Variants in CD163L1 observed in about 807,000 individuals in gnomAD.
CD163L1 encodes CD163 molecule like 1, also known as scavenger receptor cysteine-rich type 1 protein M160.
Under a neutral mutation model 165.4 loss-of-function variants are expected in CD163L1, and 124 were observed. The observed-to-expected ratio is 0.75, with a 90% CI of 0.65 to 0.87. The LOEUF (loss-of-function observed/expected upper bound fraction) is 0.87, where lower values mean the gene tolerates loss of function less well. Ranked by LOEUF, CD163L1 falls within the 40% of genes least tolerant of loss-of-function variation. CD163L1 has a pLI of 0.00. For synonymous variants in CD163L1, 585 were observed against 662.2 expected, an observed-to-expected ratio of 0.88 and a Z score of 1.79; for missense variants, 1,525 against 1,799.9, an observed-to-expected ratio of 0.85 and a Z score of 2.76.
rs902936320 is a variant in CD163L1, at chr12:7,398,716, A to G, written c.1409-132T>C. ...ATATATTAGGCACACTTTTGAATGA[A>G]AAGTTTGGTTTTCTTTCTTTTGACA... On this transcript the variant is annotated intron_variant, in intron 6 of 19. Transcript: ENST00000313599. The surrounding 1 kb of genome is among the most constrained non-coding windows in gnomAD (Gnocchi z 4.5). The G allele has an allele frequency of 4.9e-5, 35 of 707,104 alleles. No homozygotes were observed. The highest frequency in any genetic ancestry group is 7.0e-5 in the Non-Finnish European group (34 of 485,560). 43.8% of individuals were successfully genotyped at this position (707,104 alleles called of 1,614,324 possible).
At position 7,393,892 on chromosome 12, in the gene CD163L1, T is replaced by A. The variant is rs1947714934; in HGVS notation, c.2050+2203A>T. Among the ~76,000 whole-genome samples, 5 of 152,044 alleles carry A rather than the reference T, an allele frequency of 3.3e-5. No homozygotes were observed. In the South Asian group the frequency reaches 1.0e-3, roughly 31 times the overall value. ...TGTGAAGGACTTCTTCAAGGAGAAC[T>A]ACAAACCACTGCTCAACGAAATAAA... On this transcript the variant is annotated intron_variant, in intron 8 of 19. Coordinates refer to ENST00000313599, the MANE Select transcript of CD163L1 (RefSeq NM_174941.6).
At chr12:7,323,504 G>T in the CD163L1 span, 1 of 1,613,888 alleles carries the variant, frequency 6.2e-7, no homozygotes, top group Non-Finnish European at 8.5e-7. Flanking sequence ...CAAAGAAGGG[G>T]AAATTGCCCT....
chr12:7,380,407 A>ATG (rs1278262775), intron 8 of CD163L1, among the ~76,000 whole-genome samples: 9 of 151,518 alleles, frequency 5.9e-5, no homozygotes, highest in Non-Finnish European at 8.8e-5. Flanking sequence ...ACACACATGT[A>ATG]TGTGTGTATA....
At chr12:7,366,747 G>A (rs1012989693) in intron 18 of CD163L1, among the ~76,000 whole-genome samples, 2 of 152,110 alleles carry the variant, frequency 1.3e-5, no homozygotes, top group South Asian at 2.1e-4. Flanking sequence ...TCCATTATAA[G>A]TTATTTCCAA....
At chr12:7,326,089 C>G in the CD163L1 span, among the ~76,000 whole-genome samples, 1 of 152,186 alleles carries the variant, frequency 6.6e-6, no homozygotes, top group Non-Finnish European at 1.5e-5. Context: ...GCTTACTAAC[C>G]TCAGTAATTG....
rs751493730 is a variant in CD163L1, at chr12:7,396,142, C to T, written c.2003G>A (p.Gly668Glu). 6.2e-7 allele frequency: 1 copy of T among 1,614,080 alleles called. No homozygotes were observed. Among genetic ancestry groups the T allele is most frequent in the Admixed American group, 1.7e-5 (1 of 60,022 alleles). ...TTCACTGTGACTGCAGTCATTATTT[C>T]CCCACCCACTGTTCCTGCATGACCA... ...DLWSCRNSGW[G>E]NNDCSHSEDV... Residue 668 changes from glycine to glutamate, a missense_variant, in exon 8 of 20, where the codon GGA (glycine) becomes GAA (glutamate). Transcript: ENST00000313599.
chr12:7,345,899 C>G (rs1283189321), downstream of CD163L1, among the ~76,000 whole-genome samples: 1 of 152,022 alleles, frequency 6.6e-6, no homozygotes, highest in Admixed American at 6.6e-5. Context: ...AAAGAGAGAG[C>G]AGGGACGTGC....
the CD163L1 span, among the ~76,000 whole-genome samples, chr12:7,338,902 T>C: frequency 1.3e-5 from 2 of 152,182 alleles, no homozygotes; most frequent in African/African-American, 4.8e-5. Context: ...AGCCAGTTTA[T>C]TCCCAAATGG....
intron 2 of CD163L1, chr12:7,440,118 C>A: frequency 2.7e-6 from 2 of 753,292 alleles, no homozygotes; most frequent in Admixed American, 2.3e-5. Context: ...GGCTTGGACC[C>A]GCCGCGCCAG....
At chr12:7,442,331 G>A (rs1948841446) in intron 1 of CD163L1, among the ~76,000 whole-genome samples, 1 of 152,178 alleles carries the variant, frequency 6.6e-6, no homozygotes, top group South Asian at 2.1e-4. Flanking sequence ...ACCCATCGGG[G>A]AAAGGCCCAT....
At chr12:7,430,769 C>T (rs1471359530) in intron 4 of CD163L1, among the ~76,000 whole-genome samples, 1 of 151,840 alleles carries the variant, frequency 6.6e-6, no homozygotes, top group East Asian at 1.9e-4. Context: ...CAAATTTAGC[C>T]AAGAGAAATG....
intron 8 of CD163L1, among the ~76,000 whole-genome samples, chr12:7,385,219 T>A (rs1947491306): frequency 1.3e-5 from 2 of 148,348 alleles, no homozygotes; most frequent in African/African-American, 5.0e-5. Context: ...TATATTTATA[T>A]CAGATAAAGT....
intron 19 of CD163L1, 60 bp from the exon 20 acceptor site, chr12:7,355,190 A>G (rs1412464967): frequency 6.6e-6 from 1 of 152,178 alleles, no homozygotes; most frequent in African/African-American, 2.4e-5. Flanking sequence ...ATGCTAGCCT[A>G]CATGAGGTTA....
intron 2 of CD163L1, among the ~76,000 whole-genome samples, chr12:7,437,078 AAT>A (rs1305623828): frequency 6.7e-6 from 1 of 149,192 alleles, no homozygotes; most frequent in African/African-American, 2.4e-5. Flanking sequence ...TATTTTAAAC[AAT>A]AGTGTTTTTC....
At chr12:7,429,964 C>T (rs1447044747) in intron 4 of CD163L1, among the ~76,000 whole-genome samples, 1 of 152,194 alleles carries the variant, frequency 6.6e-6, no homozygotes, top group African/African-American at 2.4e-5. Flanking sequence ...TATCACTCAA[C>T]CTTCCTCATT....
chr12:7,444,149 G>A lies in CD163L1; in HGVS notation c.-22C>T, dbSNP rs768004798. The A allele has an allele frequency of 1.2e-6, 2 of 1,613,072 alleles. No individual in the cohort carries two copies. Among genetic ancestry groups the A allele is most frequent in the East Asian group, 4.5e-5 (2 of 44,822 alleles). ...TCATTATGGGTCTATCTCTTCCTGA[G>A]TCCTGATGTAACTCCTGGGTCCTCT... On this transcript the variant is annotated 5_prime_UTR_variant, in exon 1 of 20. Coordinates refer to ENST00000313599, the MANE Select transcript of CD163L1 (RefSeq NM_174941.6).
chr12:7,351,220 T>C (rs1308105641), downstream of CD163L1, among the ~76,000 whole-genome samples: 1 of 152,142 alleles, frequency 6.6e-6, no homozygotes, highest in Non-Finnish European at 1.5e-5. Context: ...GTGTGTAATA[T>C]GTGTGTGTGC....
chr12:7,440,320 C>G (rs1948811861), intron 2 of CD163L1, among the ~76,000 whole-genome samples: 3 of 151,356 alleles, frequency 2.0e-5, no homozygotes, highest in Middle Eastern at 3.2e-3. Flanking sequence ...GGGCAGGGAC[C>G]TGGAGCCGCC....
chr12:7,406,742 T>C lies in CD163L1; in HGVS notation c.877A>G (p.Asn293Asp). The C allele has an allele frequency of 6.2e-7, 1 of 1,614,062 alleles. No homozygotes were observed. Among genetic ancestry groups the C allele is most frequent in the Non-Finnish European group, 8.5e-7 (1 of 1,179,986 alleles). The change falls in exon 5 of 20, where the codon AAT (asparagine) becomes GAT (aspartate). Residue 293 changes from asparagine (N) to aspartate (D), a missense_variant. Coordinates refer to ENST00000313599, the MANE Select transcript of CD163L1 (RefSeq NM_174941.6). The stretch of plus-strand genomic sequence containing the variant: ...TTGCATACGACATCAGCTGCAGCAT[T>C]GTTCCACTTATGGTGGCATACGGTC... ...WGTVCHHKWN[N>D]AAADVVCKQL...
Sources: allele counts gnomAD v4.1 joint callset (sites outside exome capture counted in the v4.1 genomes callset), GRCh38; gene constraint gnomAD v4.1.1; non-coding constraint Gnocchi (gnomAD v3.1); transcripts MANE v1.5; gene names NCBI Gene and HGNC (gene_info 2026-07-23, HGNC 2026-07-21).